PCDHA13: variants seen among roughly 807,000 people sequenced by gnomAD.
PCDHA13 encodes protocadherin alpha-13.
Under a neutral mutation model 64.8 loss-of-function variants are expected in PCDHA13, and 54 were observed. The observed-to-expected ratio is 0.83, with a 90% CI of 0.67 to 1.04. The LOEUF (loss-of-function observed/expected upper bound fraction) is 1.04. Among genes scored for constraint, PCDHA13 ranks in the 50% least tolerant of loss-of-function variants. The probability of loss-of-function intolerance (pLI) is 0.00; values close to 1 mark genes in which losing one functional copy is unlikely to be tolerated. For synonymous variants in PCDHA13, 587 were observed against 564.4 expected (o/e 1.04, Z -0.57); for missense variants, 1,248 against 1,254.3 (o/e 0.99, Z 0.08).
chr5:140,996,691 C>A (rs150925396), intron 3 of PCDHA13, among the ~76,000 whole-genome samples: 217 of 152,274 alleles, frequency 1.4e-3, no homozygotes, highest in African/African-American at 5.0e-3. Context: ...TAGTATTCTT[C>A]TGAACCTCTA....
Position 141,010,021 on chromosome 5 carries a change from T to C in PCDHA13, c.*84T>C. 1 of 1,572,108 alleles carries C rather than the reference T, an allele frequency of 6.4e-7. No individual in the cohort carries two copies. The highest frequency in any genetic ancestry group is 1.9e-5 in the Admixed American group (1 of 52,756). On this transcript the variant is annotated 3_prime_UTR_variant, in exon 4 of 4. Coordinates refer to ENST00000289272, the MANE Select transcript of PCDHA13 (RefSeq NM_018904.3). ...CATGTAGCAATTCCCTGCTCCTTTTTCCTATCTACATGAGCCCTCTTAGAG... is the reference window on the plus strand; with the variant it reads ...CATGTAGCAATTCCCTGCTCCTTTTCCCTATCTACATGAGCCCTCTTAGAG...
chr5:140,928,547 A>T (rs782813761), intron 1 of PCDHA13: 5 of 1,614,206 alleles, frequency 3.1e-6, no homozygotes, highest in Middle Eastern at 3.3e-4. Context: ...AATGACAATT[A>T]TCCGGTTATC....
chr5:141,010,312 G>C lies in PCDHA13; in HGVS notation c.*375G>C. On this transcript the variant is annotated 3_prime_UTR_variant, in exon 4 of 4. Transcript: ENST00000289272. ...TGCAGGGCAGGCTGAAAAGTTTTGA[G>C]ATTGAGCAGCTTGGGAGTTTGTGGC... is the stretch of plus-strand genomic sequence containing the variant. 1 of 1,547,400 alleles carries C rather than the reference G, an allele frequency of 6.5e-7. No individual in the cohort carries two copies. The highest frequency in any genetic ancestry group is 8.7e-7 in the Non-Finnish European group (1 of 1,145,752).
chr5:140,967,627 C>T (rs1218869340), intron 1 of PCDHA13: 5 of 1,614,158 alleles, frequency 3.1e-6, no homozygotes, highest in South Asian at 2.2e-5. Context: ...CGGATGAGGG[C>T]TCCAATGGTG....
chr5:140,962,637 T>A (rs556134281), intron 1 of PCDHA13, among the ~76,000 whole-genome samples: 3 of 152,338 alleles, frequency 2.0e-5, no homozygotes, highest in Admixed American at 6.5e-5. Flanking sequence ...AATTTAGCCA[T>A]CAAGTTATGT....
chr5:140,996,403 G>A (rs2097725218), intron 3 of PCDHA13, among the ~76,000 whole-genome samples: 2 of 152,216 alleles, frequency 1.3e-5, no homozygotes, highest in South Asian at 4.1e-4. Context: ...AGTTTCAGGT[G>A]GGGCAGGCAG....
chr5:140,997,324 T>C (rs1447294871), intron 3 of PCDHA13, among the ~76,000 whole-genome samples: 1 of 152,202 alleles, frequency 6.6e-6, no homozygotes, highest in Non-Finnish European at 1.5e-5. Context: ...TAGGCAGTTT[T>C]TTCGTTGTAC....
intron 1 of PCDHA13, among the ~76,000 whole-genome samples, chr5:140,955,418 G>A: frequency 6.6e-6 from 1 of 152,140 alleles, no homozygotes; most frequent in Non-Finnish European, 1.5e-5. Flanking sequence ...ATGATAGTGA[G>A]TGAGTTCTCA....
intron 1 of PCDHA13, among the ~76,000 whole-genome samples, chr5:140,913,872 G>A (rs2076493472): frequency 6.6e-6 from 1 of 151,980 alleles, no homozygotes; most frequent in Non-Finnish European, 1.5e-5. Flanking sequence ...TAATTTCCAT[G>A]TGTTCATGTA....
chr5:140,917,710 G>T (rs2078316558), intron 1 of PCDHA13, among the ~76,000 whole-genome samples: 3 of 152,132 alleles, frequency 2.0e-5, no homozygotes. Flanking sequence ...TTGTAGGTGT[G>T]CAGCTTTATT....
At chr5:140,996,200 A>G (rs1338736394) in intron 3 of PCDHA13, among the ~76,000 whole-genome samples, 1 of 152,236 alleles carries the variant, frequency 6.6e-6, no homozygotes, top group South Asian at 2.1e-4. Flanking sequence ...CCCTCAATGC[A>G]AGGATATCAC....
rs1554204607 is a variant in PCDHA13 at position 140,927,485 on chromosome 5, C to G, written c.2394+42823C>G. On this transcript the variant is annotated intron_variant, in intron 1 of 3. Transcript: ENST00000289272. ...GCACTGGATCGCGAACAGCGCGCCA[C>G]CCACCTGCTGGTGCTTACAGCTCGG... is the stretch of plus-strand genomic sequence containing the variant. The G allele has an allele frequency of 2.5e-6, 4 of 1,614,098 alleles. No individual in the cohort carries two copies. In the Admixed American group the frequency reaches 6.7e-5, roughly 27 times the overall value.
At chr5:140,890,688 T>C (rs570229410) in intron 1 of PCDHA13, among the ~76,000 whole-genome samples, 4 of 152,334 alleles carry the variant, frequency 2.6e-5, no homozygotes, top group Admixed American at 2.6e-4. Flanking sequence ...TTCTGGGAAA[T>C]GCAGGGACCT....
Position 140,884,220 on chromosome 5 carries a change from T to G in PCDHA13, c.1952T>G (p.Val651Gly), listed in dbSNP as rs1469726535. 4 of 1,613,408 alleles carry G rather than the reference T, an allele frequency of 2.5e-6. No homozygotes were observed. The highest frequency in any genetic ancestry group is 3.4e-6 in the Non-Finnish European group (4 of 1,179,728). The change falls in exon 1 of 4, where the codon GTG becomes GGG. Residue 651 changes from valine (V) to glycine (G), a missense_variant. Val to Gly is a moderately radical substitution (Grantham distance 109, BLOSUM62 -3). Transcript: ENST00000289272. ...DAPHHRLLVL[V>G]KDHGEPALTA... ...CCGCACCACCGCCTTCTGGTGCTGG[T>G]GAAGGACCACGGTGAGCCCGCGCTG...
At chr5:141,006,035 G>T (rs529655038) in intron 3 of PCDHA13, among the ~76,000 whole-genome samples, 7 of 151,222 alleles carry the variant, frequency 4.6e-5, no homozygotes, top group Admixed American at 2.0e-4. Flanking sequence ...GTAAGAGGGA[G>T]ATTTGTAGAT....
intron 1 of PCDHA13, among the ~76,000 whole-genome samples, chr5:140,936,196 G>A (rs1251323087): frequency 1.3e-5 from 2 of 152,072 alleles, no homozygotes; most frequent in African/African-American, 4.8e-5. Flanking sequence ...CCCAGCCAAA[G>A]TTGTCTTTTT....
chr5:141,001,126 C>A (rs2097993222), intron 3 of PCDHA13, among the ~76,000 whole-genome samples: 1 of 151,970 alleles, frequency 6.6e-6, no homozygotes, highest in African/African-American at 2.4e-5. Context: ...AGTCCTTAAA[C>A]AAATGAATCT....
intron 3 of PCDHA13, among the ~76,000 whole-genome samples, chr5:140,985,577 G>GC (rs1195077647): frequency 6.6e-6 from 1 of 152,116 alleles, no homozygotes; most frequent in Non-Finnish European, 1.5e-5. Flanking sequence ...TGGTGCCTAA[G>GC]CCTCCTTATA....
intron 1 of PCDHA13, among the ~76,000 whole-genome samples, chr5:140,944,186 GTTT>G (rs2093621428): frequency 6.6e-6 from 1 of 151,986 alleles, no homozygotes. Flanking sequence ...TTGTTGGTTT[GTTT>G]TGTTTTGTTT....
Sources: gnomAD v4.1 joint callset for allele counts (sites outside exome capture counted in the v4.1 genomes callset) on GRCh38, gnomAD v4.1.1 for gene constraint, MANE v1.5 for transcripts, NCBI Gene and HGNC (gene_info 2026-07-23, HGNC 2026-07-21) for gene names.